The following ZC3H7B variants were observed in gnomAD, a reference collection of about 807,000 sequenced individuals.
ZC3H7B encodes the protein zinc finger CCCH-type containing 7B.
Under a neutral mutation model 116.0 loss-of-function variants are expected in ZC3H7B, and 35 were observed. The ratio of observed to expected loss-of-function variants is 0.30; its 90% CI spans 0.23 to 0.40. The LOEUF (loss-of-function observed/expected upper bound fraction) is 0.40. Ranked by LOEUF, ZC3H7B falls within the 10% of genes least tolerant of loss-of-function variation. The pLI is 1.00. For missense variants in ZC3H7B, 1,011 were observed against 1,321.5 expected, an observed-to-expected ratio of 0.77 and a Z score of 3.64; for synonymous variants, 502 against 545.6, an observed-to-expected ratio of 0.92 and a Z score of 1.11.
In ZC3H7B at chr22:41,356,007, C is replaced by T; in HGVS notation, c.2328C>T (p.Ser776=). Residue 776 remains serine (S), a synonymous_variant, in exon 20 of 23, where the codon TCC becomes TCT. Transcript: ENST00000352645. ...AGTGCCAATATGTGGGGAACTGCTC[C>T]TTCGCACACAGCCCGGAGGAGAGGG... The part of the protein sequence containing the change: ...GRKCQYVGNC[S]FAHSPEERDM... 6.4e-7 allele frequency: 1 copy of T among 1,566,746 alleles called. No homozygotes were observed. The highest frequency in any genetic ancestry group is 8.6e-7 in the Non-Finnish European group (1 of 1,158,264).
At chr22:41,350,584 G>T (rs896051790) in intron 16 of ZC3H7B, among the ~76,000 whole-genome samples, 1 of 152,170 alleles carries the variant, frequency 6.6e-6, no homozygotes, top group Admixed American at 6.6e-5. Flanking sequence ...TGAAGTATGA[G>T]ACAAAGGAGA....
chr22:41,341,296 T>C, intron 11 of ZC3H7B, 150 bp downstream of exon 11: 1 of 922,880 alleles, frequency 1.1e-6, no homozygotes, highest in South Asian at 1.8e-5. Flanking sequence ...GATGATCACC[T>C]CGTGCCCTTC....
chr22:41,347,464 T>G (rs529822604), intron 14 of ZC3H7B, among the ~76,000 whole-genome samples: 1 of 152,208 alleles, frequency 6.6e-6, no homozygotes, highest in Admixed American at 6.5e-5. Context: ...ACTGAGCTGT[T>G]AATTCCCTCC....
intron 1 of ZC3H7B, among the ~76,000 whole-genome samples, chr22:41,309,984 T>C (rs903224691): frequency 6.6e-6 from 1 of 151,748 alleles, no homozygotes; most frequent in Non-Finnish European, 1.5e-5. Context: ...GGTGAGCGGA[T>C]CACAAGTTCA....
intron 17 of ZC3H7B, 58 bp from the exon 18 acceptor site, chr22:41,355,411 C>G (rs1419308449): frequency 6.2e-7 from 1 of 1,601,628 alleles, no homozygotes; most frequent in African/African-American, 1.3e-5. Flanking sequence ...GTGGAGACTC[C>G]AGGGCCTCAG....
Position 41,320,684 on chromosome 22 carries a change from G to A in ZC3H7B, c.24G>A (p.Ala8=), listed in dbSNP as rs753083253. Residue 8 remains alanine, a synonymous_variant, in exon 2 of 23, where the codon GCG becomes GCA. Transcript: ENST00000352645. MERQKRK[A]DIEKGLQFIQ... ...TGATGGAGAGGCAGAAACGGAAGGC[G>A]GACATCGAGAAAGGGCTGCAGTTCA... 88 of 1,613,914 alleles carry A rather than the reference G, an allele frequency of 5.5e-5. No individual in the cohort carries two copies. The East Asian group carries it at 1.7e-3, about 31-fold the overall frequency.
chr22:41,342,461 C>T (rs1179956369), intron 11 of ZC3H7B, 68 bp from the exon 12 acceptor site: 3 of 1,492,292 alleles, frequency 2.0e-6, no homozygotes, highest in African/African-American at 2.8e-5. Context: ...ACTTCTGGTG[C>T]CCTGGCTGGC....
At chr22:41,322,585 ATT>A in intron 2 of ZC3H7B, among the ~76,000 whole-genome samples, 1 of 152,116 alleles carries the variant, frequency 6.6e-6, no homozygotes, top group Non-Finnish European at 1.5e-5. Flanking sequence ...CAGAGGCATA[ATT>A]ATCACAACAC....
chr22:41,314,565 G>T (rs1007755693), intron 1 of ZC3H7B, among the ~76,000 whole-genome samples: 1 of 151,846 alleles, frequency 6.6e-6, no homozygotes, highest in African/African-American at 2.4e-5. Context: ...GGGATTACAG[G>T]CATGAGTCAC....
rs2145909071 is a variant in ZC3H7B at position 41,320,212 on chromosome 22, A to G, written c.-6-443A>G. Among the ~76,000 whole-genome samples the G allele has an allele frequency of 1.3e-5, 2 of 151,958 alleles. 1 individual carries two copies. Among genetic ancestry groups the G allele is most frequent in the South Asian group, 4.2e-4 (2 of 4,798 alleles). ...GCTGGGCATGATGGTGGGCTCCTGT[A>G]ATCCCAGCTACTCGGGAGGCTGAGG... On this transcript the variant is annotated intron_variant, in intron 1 of 22. Coordinates refer to ENST00000352645, the MANE Select transcript of ZC3H7B (RefSeq NM_017590.6).
intron 1 of ZC3H7B, among the ~76,000 whole-genome samples, chr22:41,316,596 CTTT>C (rs371933916): frequency 1.0e-5 from 1 of 98,916 alleles, no homozygotes. Flanking sequence ...CACACCTGGC[CTTT>C]TTTTTTTTTT....
chr22:41,312,506 C>T (rs1024452108), intron 1 of ZC3H7B, among the ~76,000 whole-genome samples: 1 of 151,714 alleles, frequency 6.6e-6, no homozygotes, highest in East Asian at 1.9e-4. Context: ...GGGAGGATTA[C>T]TTTAGCTGAG....
chr22:41,341,407 A>G (rs547942849), intron 11 of ZC3H7B, among the ~76,000 whole-genome samples: 1 of 152,328 alleles, frequency 6.6e-6, no homozygotes, highest in African/African-American at 2.4e-5. Context: ...CCCCAGTGTT[A>G]GTAGCATCCC....
Position 41,338,250 on chromosome 22 carries a change from G to A in ZC3H7B, c.583-63G>A. On this transcript the variant is annotated intron_variant, in intron 7 of 22. Coordinates refer to ENST00000352645, the MANE Select transcript of ZC3H7B (RefSeq NM_017590.6). The surrounding 1 kb of genome is among the most constrained non-coding windows in gnomAD (Gnocchi z 4.5). ...CAGCATAGTCACGTGGGGAGGGGCT[G>A]GTGCTGGGTGCTGGGATCGGGGCCT... The A allele has an allele frequency of 6.4e-7, 1 of 1,555,138 alleles. No individual in the cohort carries two copies.
rs1329279549 is a variant in ZC3H7B, at chr22:41,353,273, T to C, written c.2034+1627T>C. ...GAAGCTGAGGCTGAGAGATTGTTAGTGACTTGCCCAGGGGCACACTGAGTG... is the reference window on the plus strand; with the variant it reads ...GAAGCTGAGGCTGAGAGATTGTTAGCGACTTGCCCAGGGGCACACTGAGTG... On this transcript the variant is annotated intron_variant, in intron 17 of 22. Transcript: ENST00000352645. 2.6e-5 allele frequency among the ~76,000 whole-genome samples: 4 copies of C among 152,194 alleles called. No homozygotes were observed. In the East Asian group the frequency reaches 7.7e-4, roughly 29 times the overall value.
chr22:41,355,721 GCCCT>G (rs2036704550), intron 18 of ZC3H7B, 32 bp from the exon 19 acceptor site: 2 of 1,613,338 alleles, frequency 1.2e-6, no homozygotes, highest in Non-Finnish European at 8.5e-7. Flanking sequence ...CACAGGCTGT[GCCCT>G]GACCTCTCCC....
At position 41,325,744 on chromosome 22, in the gene ZC3H7B, G is replaced by T; in HGVS notation, c.111G>T (p.Gln37His). The T allele has an allele frequency of 6.2e-7, 1 of 1,613,810 alleles. No individual in the cohort carries two copies. Among genetic ancestry groups the T allele is most frequent in the Non-Finnish European group, 8.5e-7 (1 of 1,179,910 alleles). Residue 37 changes from glutamine (Q) to histidine (H), a missense_variant, in exon 4 of 23, where the codon CAG (glutamine) becomes CAT (histidine). Transcript: ENST00000352645. ...EYEAFLLKLV[Q>H]NLFAEGNDLF... ...AGGCCTTTCTGCTCAAGCTGGTGCA[G>T]AATCTGTTTGCTGAGGGCAATGATC...
rs375561032 is a variant in ZC3H7B, at chr22:41,356,742, C to A, written c.2615C>A (p.Thr872Lys). 6.2e-7 allele frequency: 1 copy of A among 1,613,672 alleles called. No homozygotes were observed. The highest frequency in any genetic ancestry group is 1.1e-5 in the South Asian group (1 of 91,086). ...QSEKHKEKVF[T>K]SDSDASGWAF... ...GAGAAGCACAAGGAGAAGGTCTTCA[C>A]GTCCGACAGTGACGCCAGCGGCTGG... Residue 872 changes from threonine (T) to lysine (K), a missense_variant, in exon 22 of 23, where the codon ACG (threonine) becomes AAG (lysine). Thr to Lys is a moderately conservative substitution (Grantham distance 78). Coordinates refer to ENST00000352645, the MANE Select transcript of ZC3H7B (RefSeq NM_017590.6).
chr22:41,320,781 C>T, intron 2 of ZC3H7B, 68 bp downstream of exon 2: 1 of 1,588,234 alleles, frequency 6.3e-7, no homozygotes, highest in Non-Finnish European at 8.6e-7. Context: ...GAGCCATGCC[C>T]TCCCAGCGCT....
Sources: allele counts gnomAD v4.1 joint callset (sites outside exome capture counted in the v4.1 genomes callset), GRCh38; gene constraint gnomAD v4.1.1; non-coding constraint Gnocchi (gnomAD v3.1); transcripts MANE v1.5; gene names NCBI Gene and HGNC (gene_info 2026-07-23, HGNC 2026-07-21).